ADAMTSL1: variants seen among roughly 807,000 people sequenced by gnomAD.
The protein encoded by ADAMTSL1 is ADAMTS-like protein 1.
In ADAMTSL1, 126 loss-of-function variants were observed where a neutral mutation model predicts 201.8. The observed-to-expected ratio is 0.62, with a 90% CI of 0.54 to 0.72. ADAMTSL1 has a LOEUF of 0.72. ADAMTSL1 is among the 30% of genes least tolerant of loss of function. The probability of loss-of-function intolerance (pLI) is 0.00; values close to 1 mark genes in which losing one functional copy is unlikely to be tolerated. For missense variants in ADAMTSL1, 2,679 were observed against 2,277.8 expected (o/e 1.18, Z -3.59); for synonymous variants, 1,121 against 903.4 (o/e 1.24, Z -4.32).
chr9:18,622,034 A>G (rs1329813671), intron 4 of ADAMTSL1, among the ~76,000 whole-genome samples: 1 of 152,016 alleles, frequency 6.6e-6, no homozygotes, highest in Non-Finnish European at 1.5e-5. Flanking sequence ...TTCTATTTGT[A>G]TATCTGAACT....
chr9:18,059,642 T>A (rs1822360514), intron 1 of ADAMTSL1, among the ~76,000 whole-genome samples: 1 of 152,220 alleles, frequency 6.6e-6, no homozygotes, highest in Non-Finnish European at 1.5e-5. Context: ...GTTCAAGGAC[T>A]ATGGATAAAA....
intron 19 of ADAMTSL1, among the ~76,000 whole-genome samples, chr9:18,781,053 A>G (rs1031055547): frequency 6.6e-6 from 1 of 152,194 alleles, no homozygotes; most frequent in Non-Finnish European, 1.5e-5. Flanking sequence ...CTTAGGAAAC[A>G]CACTTTGGCC....
intron 1 of ADAMTSL1, among the ~76,000 whole-genome samples, chr9:18,043,835 G>A (rs1019651377): frequency 6.6e-6 from 1 of 151,760 alleles, no homozygotes; most frequent in Admixed American, 6.6e-5. Flanking sequence ...GGGAAGGAAT[G>A]TACTTTAGAT....
At chr9:18,188,448 A>G (rs943943742) in intron 2 of ADAMTSL1, among the ~76,000 whole-genome samples, 13 of 152,102 alleles carry the variant, frequency 8.5e-5, no homozygotes, top group Non-Finnish European at 5.9e-5. Context: ...CTTTGATGAG[A>G]CGCTATCTGG....
chr9:17,935,425 G>A (rs1367236151), intron 1 of ADAMTSL1, among the ~76,000 whole-genome samples: 1 of 152,092 alleles, frequency 6.6e-6, no homozygotes, highest in Non-Finnish European at 1.5e-5. Flanking sequence ...TGTATCTGTA[G>A]CTTGGAAGTT....
chr9:18,049,623 T>A (rs1202816299), intron 1 of ADAMTSL1, among the ~76,000 whole-genome samples: 1 of 151,594 alleles, frequency 6.6e-6, no homozygotes, highest in Non-Finnish European at 1.5e-5. Flanking sequence ...CTTATTCTTT[T>A]TTTTTTTTTT....
intron 14 of ADAMTSL1, among the ~76,000 whole-genome samples, chr9:18,720,286 C>G (rs751415781): frequency 6.6e-6 from 1 of 152,200 alleles, no homozygotes; most frequent in Non-Finnish European, 1.5e-5. Flanking sequence ...GGTCTTTTCA[C>G]CCTTCCCAGC....
At chr9:18,304,455 A>C (rs2132748272) in intron 2 of ADAMTSL1, among the ~76,000 whole-genome samples, 1 of 152,272 alleles carries the variant, frequency 6.6e-6, no homozygotes, top group Middle Eastern at 3.4e-3. Flanking sequence ...AAAATAGCAA[A>C]ACCTGGTTTT....
At chr9:18,818,586 G>A (rs1029452722) in intron 21 of ADAMTSL1, among the ~76,000 whole-genome samples, 1 of 152,148 alleles carries the variant, frequency 6.6e-6, no homozygotes, top group Admixed American at 6.5e-5. Context: ...GAGCCCTGGA[G>A]TTGAAGACCA....
intron 2 of ADAMTSL1, among the ~76,000 whole-genome samples, chr9:18,253,730 A>G (rs568174959): frequency 2.6e-5 from 4 of 152,224 alleles, no homozygotes; most frequent in South Asian, 2.1e-4. Context: ...TTTTAATCCA[A>G]TTTGATGCTT....
intron 27 of ADAMTSL1, among the ~76,000 whole-genome samples, 170 bp downstream of exon 27, chr9:18,906,061 G>T (rs1025648075): frequency 6.6e-6 from 1 of 152,214 alleles, no homozygotes; most frequent in Admixed American, 6.5e-5. Context: ...AGATGACTCA[G>T]TGTCGGTCTT....
At chr9:17,968,191 C>T (rs956929747) in intron 1 of ADAMTSL1, among the ~76,000 whole-genome samples, 6 of 152,108 alleles carry the variant, frequency 3.9e-5, no homozygotes, top group Non-Finnish European at 8.8e-5. Flanking sequence ...TTCATGATCT[C>T]TTTATCCTCC....
chr9:18,439,656 C>T (rs1819910578), intron 2 of ADAMTSL1, among the ~76,000 whole-genome samples: 1 of 152,186 alleles, frequency 6.6e-6, no homozygotes, highest in Non-Finnish European at 1.5e-5. Flanking sequence ...TGAGCCACTG[C>T]TCCTGGCTTA....
chr9:18,657,558 A>T lies in ADAMTSL1; in HGVS notation c.835-81A>T, dbSNP rs1564125378. 2.9e-6 allele frequency: 3 copies of T among 1,023,314 alleles called. No individual in the cohort carries two copies. The East Asian group carries it at 7.2e-5, about 25-fold the overall frequency. 63.4% of individuals were successfully genotyped at this position (1,023,314 alleles called of 1,614,324 possible). ...ACAGCCTAAAACCATCAGCACTACC[A>T]TATACTCTTGTTCGAAGCTGCAAGG... On this transcript the variant is annotated intron_variant, in intron 7 of 28. Transcript: ENST00000380548.
At chr9:17,991,519 C>T (rs1472766333) in intron 1 of ADAMTSL1, among the ~76,000 whole-genome samples, 1 of 152,166 alleles carries the variant, frequency 6.6e-6, no homozygotes, top group Non-Finnish European at 1.5e-5. Context: ...TGCTCAGACT[C>T]AGAAAAGGCT....
chr9:18,610,490 A>G (rs1314811904), intron 4 of ADAMTSL1, among the ~76,000 whole-genome samples: 2 of 152,166 alleles, frequency 1.3e-5, no homozygotes, highest in East Asian at 3.9e-4. Context: ...AAGAGACCCA[A>G]TTTAGACAGA....
At chr9:18,481,771 C>A (rs1563986653) in intron 1 of ADAMTSL1, among the ~76,000 whole-genome samples, 1 of 152,088 alleles carries the variant, frequency 6.6e-6, no homozygotes, top group Non-Finnish European at 1.5e-5. Flanking sequence ...AGTTTATAGT[C>A]TCAATTTGTG....
chr9:18,887,782 G>A (rs1396816060), intron 23 of ADAMTSL1, 49 bp from the exon 24 acceptor site: 2 of 1,514,164 alleles, frequency 1.3e-6, no homozygotes, highest in East Asian at 2.3e-5. Flanking sequence ...CACCAGCAAT[G>A]TGTTCCTTAT....
At chr9:18,128,262 A>G (rs781070345) in intron 1 of ADAMTSL1, among the ~76,000 whole-genome samples, 6 of 152,210 alleles carry the variant, frequency 3.9e-5, no homozygotes, top group Non-Finnish European at 5.9e-5. Context: ...TAAGCTATCA[A>G]TGGACCACCA....
Sources: gnomAD v4.1 joint callset for allele counts (sites outside exome capture counted in the v4.1 genomes callset) on GRCh38, gnomAD v4.1.1 for gene constraint, MANE v1.5 for transcripts, NCBI Gene and HGNC (gene_info 2026-07-23, HGNC 2026-07-21) for gene names.